Variants in UBE2Q2 observed in about 807,000 individuals in gnomAD.
UBE2Q2 encodes ubiquitin conjugating enzyme E2 Q2.
A neutral mutation model predicts 59.9 loss-of-function variants in UBE2Q2; 54 were observed. The ratio of observed to expected loss-of-function variants is 0.90; its 90% confidence interval spans 0.72 to 1.13. UBE2Q2 has a LOEUF of 1.13. Ranked by LOEUF, UBE2Q2 falls within the 50% of genes most tolerant of loss-of-function variation. The probability of loss-of-function intolerance (pLI) is 0.00; values close to 1 mark genes in which losing one functional copy is unlikely to be tolerated. For synonymous variants in UBE2Q2, 165 were observed against 155.2 expected, an observed-to-expected ratio of 1.06 and a Z score of -0.47; for missense variants, 433 against 441.9, an observed-to-expected ratio of 0.98 and a Z score of 0.18.
intron 4 of UBE2Q2, among the ~76,000 whole-genome samples, chr15:75,872,879 T>G (rs1313341205): frequency 4.3e-5 from 4 of 92,296 alleles, no homozygotes; most frequent in Non-Finnish European, 1.2e-4. Context: ...TTTTTTGTAT[T>G]GTTTTTCATT....
At chr15:75,884,388 T>C (rs1898635212) in intron 9 of UBE2Q2, among the ~76,000 whole-genome samples, 1 of 152,234 alleles carries the variant, frequency 6.6e-6, no homozygotes, top group Non-Finnish European at 1.5e-5. Context: ...AAGAGCTTTG[T>C]TCCTACAGTT....
chr15:75,891,090 CTTAA>C, intron 11 of UBE2Q2, 76 bp downstream of exon 11: 1 of 1,140,968 alleles, frequency 8.8e-7, no homozygotes, highest in Non-Finnish European at 1.2e-6. Flanking sequence ...CCTGTCTTGA[CTTAA>C]TTCTTTTTTG....
rs374352758 is a variant in UBE2Q2 at position 75,843,818 on chromosome 15, C to A, written c.152C>A (p.Pro51Gln). The change falls in exon 1 of 13, where the codon CCG (proline) becomes CAG (glutamine). Residue 51 changes from proline to glutamine, a missense_variant. Transcript: ENST00000267938. ...PQQGSPHSLP[P>Q]PLTLHCNITE... ...CAGGGCAGCCCGCACTCGCTGCCGC[C>A]GCCACTCACGCTCCACTGCAACATC... 1 of 1,600,686 alleles carries A rather than the reference C, an allele frequency of 6.2e-7. No homozygotes were observed. The highest frequency in any genetic ancestry group is 8.5e-7 in the Non-Finnish European group (1 of 1,175,170).
chr15:75,883,472 A>G (rs28438425), intron 9 of UBE2Q2, 48 bp downstream of exon 9: 1 of 1,538,650 alleles, frequency 6.5e-7, no homozygotes, highest in Admixed American at 1.8e-5. Flanking sequence ...AGTTAAAAAA[A>G]ATTTTTTTTT....
intron 10 of UBE2Q2, 22 bp from the exon 11 acceptor site, chr15:75,890,897 G>C: frequency 6.2e-7 from 1 of 1,603,458 alleles, no homozygotes; most frequent in Non-Finnish European, 8.5e-7. Context: ...CTGTATTTTA[G>C]AGATACTTTG....
rs575264004 is a variant in UBE2Q2 at position 75,848,979 on chromosome 15, A to G, written c.180+5133A>G. Among the ~76,000 whole-genome samples the G allele has an allele frequency of 5.9e-5, 9 of 152,302 alleles. 1 individual carries two copies. The South Asian group carries it at 6.2e-4, about 11-fold the overall frequency. On this transcript the variant is annotated intron_variant, in intron 1 of 12. Coordinates refer to ENST00000267938, the MANE Select transcript of UBE2Q2 (RefSeq NM_173469.4). ...TTTTCTGTGCCTCAGTTTGCTTACA[A>G]TGATGTTCTCAGTAGCTGTAATTTG...
intron 1 of UBE2Q2, among the ~76,000 whole-genome samples, chr15:75,848,422 A>G (rs1896468157): frequency 6.6e-6 from 1 of 152,228 alleles, no homozygotes; most frequent in African/African-American, 2.4e-5. Context: ...TTCCAAATTG[A>G]ATTCATGGAA....
Position 75,869,014 on chromosome 15 carries a change from G to A in UBE2Q2, c.447+4G>A. 2 of 1,609,232 alleles carry A rather than the reference G, an allele frequency of 1.2e-6. No individual in the cohort carries two copies. The highest frequency in any genetic ancestry group is 1.7e-6 in the Non-Finnish European group (2 of 1,176,850). On this transcript the variant is annotated splice_donor_region_variant and intron_variant, in intron 4 of 12. Coordinates refer to ENST00000267938, the MANE Select transcript of UBE2Q2 (RefSeq NM_173469.4). ...AGAAGAAGAAGAGATGGCTGAAGTAGGTATTTTATATAAAAGAAGAGTTCA... is the reference window on the plus strand; with the variant it reads ...AGAAGAAGAAGAGATGGCTGAAGTAAGTATTTTATATAAAAGAAGAGTTCA...
chr15:75,856,269 G>GTGTA (rs1256142539), intron 2 of UBE2Q2, among the ~76,000 whole-genome samples: 2,717 of 139,200 alleles, frequency 0.02, 22 homozygotes, highest in South Asian at 0.033. Context: ...GTGTGTGTGT[G>GTGTA]TATATATATA....
chr15:75,858,925 C>T (rs1383709581), intron 2 of UBE2Q2, among the ~76,000 whole-genome samples: 3 of 152,204 alleles, frequency 2.0e-5, no homozygotes, highest in Admixed American at 1.3e-4. Flanking sequence ...TTATTCTTTG[C>T]TTCGTTAACC....
At chr15:75,888,252 C>T (rs770806805) in intron 9 of UBE2Q2, among the ~76,000 whole-genome samples, 5 of 152,148 alleles carry the variant, frequency 3.3e-5, no homozygotes, top group African/African-American at 9.7e-5. Context: ...TCCCTGTACC[C>T]GTTTCCCCCA....
At chr15:75,850,992 T>C (rs1397422806) in intron 1 of UBE2Q2, among the ~76,000 whole-genome samples, 1 of 152,262 alleles carries the variant, frequency 6.6e-6, no homozygotes, top group East Asian at 1.9e-4. Context: ...CATTGATGTT[T>C]GCTCTGTCAT....
chr15:75,844,560 C>A (rs556379052), intron 1 of UBE2Q2: 1 of 1,463,642 alleles, frequency 6.8e-7, no homozygotes, highest in Non-Finnish European at 9.3e-7. Context: ...AAAGGAGATA[C>A]GCGCCAGGGC....
intron 11 of UBE2Q2, among the ~76,000 whole-genome samples, chr15:75,894,878 T>G (rs1188071159): frequency 6.6e-6 from 1 of 152,076 alleles, no homozygotes; most frequent in African/African-American, 2.4e-5. Context: ...AGTTTGTTTC[T>G]TTTATTTTTG....
At chr15:75,899,241 C>T (rs1049842435) in intron 12 of UBE2Q2, among the ~76,000 whole-genome samples, 186 bp from the exon 13 acceptor site, 1 of 150,498 alleles carries the variant, frequency 6.6e-6, no homozygotes, top group Non-Finnish European at 1.5e-5. Context: ...CGCCATTGCA[C>T]TCCAGCCTAG....
At chr15:75,887,399 A>G (rs987926157) in intron 9 of UBE2Q2, among the ~76,000 whole-genome samples, 4 of 152,166 alleles carry the variant, frequency 2.6e-5, no homozygotes, top group African/African-American at 9.7e-5. Context: ...TACATAGGTG[A>G]AAAGTAAACA....
At position 75,900,415 on chromosome 15, in the gene UBE2Q2, ACT is replaced by A. The variant is rs1337107257; in HGVS notation, c.*960_*961del. On this transcript the variant is annotated 3_prime_UTR_variant, in exon 13 of 13. Coordinates refer to ENST00000267938, the MANE Select transcript of UBE2Q2 (RefSeq NM_173469.4). ...CTTTTACATTGAAAGATTAATAGAA[ACT>A]CTACATATGTTAATTTTTTTATAGA... 6 of 152,506 alleles carry A rather than the reference ACT, an allele frequency of 3.9e-5. No homozygotes were observed. Among genetic ancestry groups the A allele is most frequent in the Non-Finnish European group, 7.4e-5 (5 of 68,024 alleles). The allele number at this position is 152,506 out of a possible 1,614,324, so 9.4% of individuals were successfully genotyped here. A position where few individuals can be genotyped will look rare whatever the true frequency, so the allele number is the denominator to read the frequency against.
chr15:75,879,324 T>C, intron 8 of UBE2Q2, 136 bp downstream of exon 8: 2 of 521,096 alleles, frequency 3.8e-6, no homozygotes, highest in Non-Finnish European at 3.4e-6. Flanking sequence ...ATATTCTCCG[T>C]TAAGACGTGA....
chr15:75,881,429 C>T (rs1372521421), intron 8 of UBE2Q2, among the ~76,000 whole-genome samples: 1 of 151,980 alleles, frequency 6.6e-6, no homozygotes, highest in Non-Finnish European at 1.5e-5. Context: ...AGGTAAATGG[C>T]TGAATTTCTG....
Sources: gnomAD v4.1 joint callset for allele counts (sites outside exome capture counted in the v4.1 genomes callset) on GRCh38, gnomAD v4.1.1 for gene constraint, MANE v1.5 for transcripts, NCBI Gene and HGNC (gene_info 2026-07-23, HGNC 2026-07-21) for gene names.